The following MAP2K5 variants were observed in gnomAD, a reference collection of about 807,000 sequenced individuals.
The protein encoded by MAP2K5 is mitogen-activated protein kinase kinase 5.
MAP2K5 carries 49 observed loss-of-function variants against 83.1 expected under a neutral mutation model. The ratio of observed to expected loss-of-function variants is 0.59; its 90% CI spans 0.47 to 0.75. The LOEUF is 0.75. MAP2K5 is among the 30% of genes least tolerant of loss of function. MAP2K5 has a pLI of 0.00. For missense variants in MAP2K5, 457 were observed against 557.5 expected, an observed-to-expected ratio of 0.82 and a Z score of 1.82; for synonymous variants, 202 against 191.8, an observed-to-expected ratio of 1.05 and a Z score of -0.44.
intron 9 of MAP2K5, among the ~76,000 whole-genome samples, chr15:67,645,177 AAG>A (rs1018111584): frequency 6.6e-6 from 1 of 151,402 alleles, no homozygotes; most frequent in Non-Finnish European, 1.5e-5. Context: ...GTCTCAAGAA[AAG>A]AAAAAAGTTA....
chr15:67,649,884 T>G (rs190655261), intron 11 of MAP2K5, among the ~76,000 whole-genome samples: 34 of 152,252 alleles, frequency 2.2e-4, no homozygotes, highest in African/African-American at 7.0e-4. Flanking sequence ...TCCAAAAAAA[T>G]CCAGCTGGGA....
rs1045657448 is a variant in MAP2K5, at chr15:67,746,374, T to C, written c.1075-1857T>C. 2.6e-5 allele frequency among the ~76,000 whole-genome samples: 4 copies of C among 152,176 alleles called. No homozygotes were observed. Among genetic ancestry groups the C allele is most frequent in the Admixed American group, 1.3e-4 (2 of 15,276 alleles). On this transcript the variant is annotated intron_variant, in intron 17 of 21. Transcript: ENST00000178640. This position sits in a 1 kb window ranked among gnomAD's most constrained non-coding sequence, Gnocchi z 4.1. ...ATGTCAGAAATGGATTTCTGATTCT[T>C]TATTCATTACAAATAACTCCGTTGT...
rs1355138366 is a variant in MAP2K5, at chr15:67,775,163, C to A, written c.1242+2411C>A. 1.3e-5 allele frequency among the ~76,000 whole-genome samples: 2 copies of A among 152,196 alleles called. No homozygotes were observed. The highest frequency in any genetic ancestry group is 4.8e-5 in the African/African-American group (2 of 41,438). The stretch of plus-strand genomic sequence containing the variant: ...CCTTATCGAATCATAAAATCATCAT[C>A]TTGGCAGTTTTTGACCATGTCAGTC... On this transcript the variant is annotated intron_variant, in intron 21 of 21. Coordinates refer to ENST00000178640, the MANE Select transcript of MAP2K5 (RefSeq NM_145160.3). The surrounding 1 kb of genome is among the most constrained non-coding windows in gnomAD (Gnocchi z 5.3).
intron 11 of MAP2K5, among the ~76,000 whole-genome samples, chr15:67,655,226 G>C (rs1012394675): frequency 6.6e-6 from 1 of 152,142 alleles, no homozygotes; most frequent in South Asian, 2.1e-4. Flanking sequence ...TAGAACAAAA[G>C]AGATACAAAC....
rs1596844254 is a variant in MAP2K5, at chr15:67,715,620, A to T, written c.1044+12212A>T. Among the ~76,000 whole-genome samples the T allele has an allele frequency of 3.3e-5, 5 of 152,240 alleles. No individual in the cohort carries two copies. The East Asian group carries it at 9.6e-4, about 29-fold the overall frequency. ...CAGCACATACTCATATCATGTATAC[A>T]CACAAATACACAGAATTTGAAATTT... On this transcript the variant is annotated intron_variant, in intron 16 of 21. Coordinates refer to ENST00000178640, the MANE Select transcript of MAP2K5 (RefSeq NM_145160.3).
rs2086594906 is a variant in MAP2K5 at position 67,636,019 on chromosome 15, G to A, written c.585+5092G>A. Among the ~76,000 whole-genome samples, 1 of 151,944 alleles carries A rather than the reference G, an allele frequency of 6.6e-6. No homozygotes were observed. Among genetic ancestry groups the A allele is most frequent in the African/African-American group, 2.4e-5 (1 of 41,360 alleles). ...GGGTTTTGCCACATTGTCCAGGCTT[G>A]TCTTGAATTCATGGGCTCAAGCAAT... On this transcript the variant is annotated intron_variant, in intron 9 of 21. Coordinates refer to ENST00000178640, the MANE Select transcript of MAP2K5 (RefSeq NM_145160.3). The surrounding 1 kb of genome is among the most constrained non-coding windows in gnomAD (Gnocchi z 4.7).
chr15:67,718,436 G>A (rs2088876225), intron 16 of MAP2K5, among the ~76,000 whole-genome samples: 1 of 152,036 alleles, frequency 6.6e-6, no homozygotes, highest in Non-Finnish European at 1.5e-5. Flanking sequence ...CGTGAGATGG[G>A]GTTTGGGGCA....
intron 15 of MAP2K5, among the ~76,000 whole-genome samples, chr15:67,694,462 T>C (rs2088195143): frequency 6.6e-6 from 1 of 152,136 alleles, no homozygotes; most frequent in Non-Finnish European, 1.5e-5. Context: ...TTTCTGTATA[T>C]ATTATCTTGA....
Position 67,774,391 on chromosome 15 carries a change from T to C in MAP2K5, c.1242+1639T>C, listed in dbSNP as rs28626095. 0.28 allele frequency among the ~76,000 whole-genome samples: 42,536 copies of C among 151,954 alleles called. 6,829 individuals are homozygous for C. The highest frequency in any genetic ancestry group is 0.61 in the East Asian group (3,128 of 5,160). Reference sequence around the variant, plus strand: ...TGCTCACTGTTTGATTTTAAATGAATGCATTCCCAGAGGTATAGCAGTGGT... The same window carrying C: ...TGCTCACTGTTTGATTTTAAATGAACGCATTCCCAGAGGTATAGCAGTGGT... On this transcript the variant is annotated intron_variant, in intron 21 of 21. Transcript: ENST00000178640. This position sits in a 1 kb window ranked among gnomAD's most constrained non-coding sequence, Gnocchi z 4.9.
chr15:67,739,864 C>T (rs1187946687), intron 17 of MAP2K5, among the ~76,000 whole-genome samples: 7 of 152,148 alleles, frequency 4.6e-5, no homozygotes, highest in Non-Finnish European at 8.8e-5. Flanking sequence ...CAGTAGGCCA[C>T]ATCCAAATAT....
chr15:67,674,613 A>G (rs527609508), intron 13 of MAP2K5, among the ~76,000 whole-genome samples: 21 of 152,218 alleles, frequency 1.4e-4, no homozygotes, highest in African/African-American at 3.6e-4. Flanking sequence ...CATTCATTCT[A>G]TTTACCTTGG....
At chr15:67,787,176 G>A (rs959359327) in intron 21 of MAP2K5, among the ~76,000 whole-genome samples, 6 of 152,204 alleles carry the variant, frequency 3.9e-5, no homozygotes, top group African/African-American at 1.4e-4. Flanking sequence ...GCCCCTGGTG[G>A]GCCAGACCCT....
chr15:67,678,450 A>G (rs963940119), intron 13 of MAP2K5, among the ~76,000 whole-genome samples: 2 of 152,232 alleles, frequency 1.3e-5, no homozygotes, highest in Non-Finnish European at 2.9e-5. Flanking sequence ...CAATTGTACC[A>G]TGCCTGTTTC....
chr15:67,795,969 A>G (rs995135480), intron 21 of MAP2K5, among the ~76,000 whole-genome samples: 7 of 152,040 alleles, frequency 4.6e-5, no homozygotes, highest in Non-Finnish European at 8.8e-5. Context: ...AGGTGATTCT[A>G]TCTCTAATAT....
chr15:67,706,205 T>C (rs1415508309), intron 16 of MAP2K5, among the ~76,000 whole-genome samples: 2 of 152,138 alleles, frequency 1.3e-5, no homozygotes, highest in Non-Finnish European at 2.9e-5. Flanking sequence ...GTGCTAGGGG[T>C]ACAAAGATTA....
At chr15:67,580,520 T>C (rs186859460) in intron 3 of MAP2K5, among the ~76,000 whole-genome samples, 48 of 143,154 alleles carry the variant, frequency 3.4e-4, no homozygotes, top group African/African-American at 1.1e-3. Flanking sequence ...TATAAAGTCT[T>C]AATCAACACT....
chr15:67,630,041 C>T (rs2086431210), intron 8 of MAP2K5, among the ~76,000 whole-genome samples: 1 of 152,224 alleles, frequency 6.6e-6, no homozygotes, highest in Admixed American at 6.5e-5. Flanking sequence ...AGTTCCAGGC[C>T]AGCCTGAGCA....
In MAP2K5 at chr15:67,772,518, C is replaced by A. The variant is rs75130324; in HGVS notation, c.1197-189C>A. Among the ~76,000 whole-genome samples, 124 of 152,052 alleles carry A rather than the reference C, an allele frequency of 8.2e-4. No individual in the cohort carries two copies. The East Asian group carries it at 0.021, about 26-fold the overall frequency. Reference sequence around the variant, plus strand: ...TTTTTGTTTCTTACTCATAATGTCCCCCAGAAATCTGACTAAGTAAAGACC... The same window carrying A: ...TTTTTGTTTCTTACTCATAATGTCCACCAGAAATCTGACTAAGTAAAGACC... On this transcript the variant is annotated intron_variant, in intron 20 of 21. Coordinates refer to ENST00000178640, the MANE Select transcript of MAP2K5 (RefSeq NM_145160.3).
At chr15:67,756,958 G>T (rs533020729) in intron 19 of MAP2K5, among the ~76,000 whole-genome samples, 1 of 151,824 alleles carries the variant, frequency 6.6e-6, no homozygotes, top group South Asian at 2.1e-4. Flanking sequence ...CTGATCCTTG[G>T]GTTGTCTTCC....
Sources: allele counts gnomAD v4.1 joint callset (sites outside exome capture counted in the v4.1 genomes callset), GRCh38; gene constraint gnomAD v4.1.1; non-coding constraint Gnocchi (gnomAD v3.1); transcripts MANE v1.5; gene names NCBI Gene and HGNC (gene_info 2026-07-23, HGNC 2026-07-21).